Variants in DENND1A observed in about 807,000 individuals in gnomAD.
DENND1A encodes the protein DENN domain containing 1A, also known as DENN domain-containing protein 1A.
Under a neutral mutation model 113.7 loss-of-function variants are expected in DENND1A, and 51 were observed. The ratio of observed to expected loss-of-function variants is 0.45; its 90% CI spans 0.36 to 0.57. The LOEUF is 0.57. DENND1A is among the 20% of genes least tolerant of loss of function. The pLI is 0.00. For synonymous variants in DENND1A, 565 were observed against 570.8 expected (o/e 0.99, Z 0.14); for missense variants, 1,258 against 1,395.9 (o/e 0.90, Z 1.57).
At chr9:123,674,929 T>C (rs2063978563) in intron 6 of DENND1A, among the ~76,000 whole-genome samples, 1 of 151,884 alleles carries the variant, frequency 6.6e-6, no homozygotes, top group Non-Finnish European at 1.5e-5. Context: ...CTACATATTA[T>C]ACAATTCTGT....
chr9:123,483,259 G>A (rs1315817449), intron 13 of DENND1A, among the ~76,000 whole-genome samples: 2 of 152,182 alleles, frequency 1.3e-5, no homozygotes, highest in South Asian at 2.1e-4. Context: ...TCCAGCAGAG[G>A]CCCCATGCAG....
chr9:123,872,683 A>G (rs572153404), intron 2 of DENND1A, among the ~76,000 whole-genome samples: 94 of 152,304 alleles, frequency 6.2e-4, no homozygotes, highest in African/African-American at 2.2e-3. Context: ...TTAAAGACAA[A>G]TGGAAAAAAA....
At chr9:123,621,722 G>A (rs1456704465) in intron 10 of DENND1A, among the ~76,000 whole-genome samples, 1 of 152,136 alleles carries the variant, frequency 6.6e-6, no homozygotes, top group East Asian at 1.9e-4. Context: ...ACTTTCATTT[G>A]AGTTCTGTCC....
intron 1 of DENND1A, among the ~76,000 whole-genome samples, chr9:123,895,215 C>T (rs1850541678): frequency 6.6e-6 from 1 of 152,174 alleles, no homozygotes; most frequent in African/African-American, 2.4e-5. Context: ...ACCATAGCTG[C>T]ATGCCACTTG....
At chr9:123,387,569 G>A (rs537892300) in intron 22 of DENND1A, among the ~76,000 whole-genome samples, 161 bp downstream of exon 22, 2 of 152,284 alleles carry the variant, frequency 1.3e-5, no homozygotes, top group African/African-American at 4.8e-5. Flanking sequence ...ACGCAGAGGT[G>A]GTGTCCACCC....
chr9:123,476,837 C>T, intron 13 of DENND1A, among the ~76,000 whole-genome samples: 1 of 152,198 alleles, frequency 6.6e-6, no homozygotes. Context: ...CACATAACTT[C>T]TCTAGATTCA....
At chr9:123,825,137 G>T (rs1034294298) in intron 2 of DENND1A, among the ~76,000 whole-genome samples, 37 of 151,950 alleles carry the variant, frequency 2.4e-4, no homozygotes, top group African/African-American at 8.5e-4. Context: ...AGCAATTAAA[G>T]TTTGGTACCA....
intron 2 of DENND1A, among the ~76,000 whole-genome samples, chr9:123,804,567 T>C (rs1835227214): frequency 6.6e-6 from 1 of 152,186 alleles, no homozygotes; most frequent in African/African-American, 2.4e-5. Flanking sequence ...CTATCAATTT[T>C]AAATTTATTT....
In DENND1A at chr9:123,845,670, C is replaced by CAAAA. The variant is rs555731367; in HGVS notation, c.88+33277_88+33280dup. Among the ~76,000 whole-genome samples the CAAAA allele has an allele frequency of 5.3e-3, 232 of 44,064 alleles. 2 individuals carry two copies. The highest frequency in any genetic ancestry group is 0.019 in the Middle Eastern group (1 of 54). The allele number at this position is 44,064 out of a possible 152,430, so 28.9% of individuals were successfully genotyped here. A position where few individuals can be genotyped will look rare whatever the true frequency, so the allele number is the denominator to read the frequency against. ...GGGTGACCAAGTGAGAACCTGTCTC[C>CAAAA]AAAAAAAAAAAAAAAAAAAAAAAAA... On this transcript the variant is annotated intron_variant, in intron 2 of 23. Transcript: ENST00000394215.
intron 2 of DENND1A, among the ~76,000 whole-genome samples, chr9:123,814,967 G>A (rs938924837): frequency 1.3e-5 from 2 of 152,212 alleles, no homozygotes; most frequent in Non-Finnish European, 2.9e-5. Flanking sequence ...TAATTCCAAT[G>A]TTTGCTGAAA....
intron 21 of DENND1A, among the ~76,000 whole-genome samples, chr9:123,394,128 A>G (rs1379827077): frequency 6.6e-6 from 1 of 151,998 alleles, no homozygotes; most frequent in Non-Finnish European, 1.5e-5. Context: ...AGTAGCTGGG[A>G]CTATAGGCAT....
chr9:123,904,728 C>T (rs1230693), intron 1 of DENND1A, among the ~76,000 whole-genome samples: 41,479 of 148,222 alleles, frequency 0.28, 9,552 homozygotes, highest in African/African-American at 0.64. Context: ...CAAATCTACG[C>T]CTGATTGGTG....
intron 22 of DENND1A, 122 bp from the exon 23 acceptor site, chr9:123,384,035 G>A (rs1045543919): frequency 2.9e-5 from 38 of 1,296,690 alleles, no homozygotes; most frequent in Non-Finnish European, 3.6e-5. Flanking sequence ...GGACAGGAGA[G>A]TGTCCCGGGG....
intron 4 of DENND1A, among the ~76,000 whole-genome samples, chr9:123,762,796 T>C (rs1163920997): frequency 6.6e-6 from 1 of 152,146 alleles, no homozygotes; most frequent in Non-Finnish European, 1.5e-5. Flanking sequence ...ACTGAGATAA[T>C]GTGGTCAGAG....
At chr9:123,438,732 A>C (rs938059245) in intron 19 of DENND1A, among the ~76,000 whole-genome samples, 1 of 152,216 alleles carries the variant, frequency 6.6e-6, no homozygotes. Context: ...TTATTTCAAC[A>C]GAGTTTGGGG....
At chr9:123,607,545 AGAGTGTGTGTGTGTGTGTGT>A (rs2060225966) in intron 11 of DENND1A, among the ~76,000 whole-genome samples, 1 of 105,882 alleles carries the variant, frequency 9.4e-6, no homozygotes, top group Non-Finnish European at 2.1e-5. Flanking sequence ...AGAGAGAGAG[AGAGTGTGTGTGTGTGTGTGT>A]GTGTGTGTGT....
chr9:123,916,206 A>G (rs1167825283), intron 1 of DENND1A, among the ~76,000 whole-genome samples: 2 of 152,242 alleles, frequency 1.3e-5, no homozygotes, highest in East Asian at 3.9e-4. Context: ...GCTGTCCTAC[A>G]GAGAAATGAG....
chr9:123,522,694 C>A (rs548851289), intron 13 of DENND1A, among the ~76,000 whole-genome samples: 24 of 152,286 alleles, frequency 1.6e-4, no homozygotes, highest in African/African-American at 5.3e-4. Context: ...ACAACTGCAG[C>A]TCAGCTACCT....
intron 1 of DENND1A, among the ~76,000 whole-genome samples, chr9:123,920,572 T>G (rs1489239836): frequency 6.6e-6 from 1 of 152,194 alleles, no homozygotes; most frequent in Non-Finnish European, 1.5e-5. Context: ...GTGGTTTTTT[T>G]ACTTCAAGAC....
Sources: gnomAD v4.1 joint callset for allele counts (sites outside exome capture counted in the v4.1 genomes callset) on GRCh38, gnomAD v4.1.1 for gene constraint, MANE v1.5 for transcripts, NCBI Gene and HGNC (gene_info 2026-07-23, HGNC 2026-07-21) for gene names.